TTC19: variants seen among roughly 807,000 people sequenced by gnomAD.
The protein encoded by TTC19 is tetratricopeptide repeat domain 19, also known as tetratricopeptide repeat protein 19, mitochondrial.
A neutral mutation model predicts 49.5 loss-of-function variants in TTC19; 38 were observed. The observed-to-expected ratio is 0.77, with a 90% CI of 0.59 to 1.01. The LOEUF is 1.01. Ranked by LOEUF, TTC19 falls within the 50% of genes least tolerant of loss-of-function variation. TTC19 has a pLI of 0.00. For missense variants in TTC19, 475 were observed against 477.7 expected, an observed-to-expected ratio of 0.99 and a Z score of 0.05; for synonymous variants, 204 against 185.2, an observed-to-expected ratio of 1.10 and a Z score of -0.83.
chr17:16,028,583 G>T lies in TTC19; in HGVS notation c.*1061G>T. ...CAAAGTATGTAAAGATACATAGGTGGATGCTCTTACTGCAGCAGTCATGAA... is the reference window on the plus strand; with the variant it reads ...CAAAGTATGTAAAGATACATAGGTGTATGCTCTTACTGCAGCAGTCATGAA... On this transcript the variant is annotated 3_prime_UTR_variant, in exon 10 of 10. Transcript: ENST00000261647. The T allele has an allele frequency of 2.2e-6, 1 of 453,884 alleles. No individual in the cohort carries two copies. 28.1% of individuals were successfully genotyped at this position (453,884 alleles called of 1,614,324 possible). A position where few individuals can be genotyped will look rare whatever the true frequency, so the allele number is the denominator to read the frequency against.
In TTC19 at chr17:16,003,466, G is replaced by T. The variant is rs533304344; in HGVS notation, c.463-365G>T. The stretch of plus-strand genomic sequence containing the variant: ...ATTTATTTATTTATTGTAGAGACGG[G>T]ATTTCACCATATTTCCCAGGCTAAA... On this transcript the variant is annotated intron_variant, in intron 4 of 9. Coordinates refer to ENST00000261647, the MANE Select transcript of TTC19 (RefSeq NM_017775.4). Among the ~76,000 whole-genome samples the T allele has an allele frequency of 2.2e-4, 33 of 151,114 alleles. No homozygotes were observed. In the South Asian group the frequency reaches 6.9e-3, roughly 32 times the overall value.
chr17:16,017,448 CAAAAAAAAAAA>C (rs372559333), intron 7 of TTC19, among the ~76,000 whole-genome samples: 3 of 53,700 alleles, frequency 5.6e-5, no homozygotes, highest in Non-Finnish European at 9.1e-5. Flanking sequence ...GACTCCGGCT[CAAAAAAAAAAA>C]AAAAAAAAAA....
chr17:16,012,771 C>G (rs562384436), intron 7 of TTC19, among the ~76,000 whole-genome samples: 1 of 152,122 alleles, frequency 6.6e-6, no homozygotes, highest in Admixed American at 6.5e-5. Context: ...CTGCCGACCT[C>G]AGGTGATCTG....
chr17:16,017,615 G>C (rs1001676034), intron 7 of TTC19, among the ~76,000 whole-genome samples: 1 of 151,800 alleles, frequency 6.6e-6, no homozygotes, highest in African/African-American at 2.4e-5. Flanking sequence ...CAAAAAATGA[G>C]CTAGGTGTGG....
chr17:16,041,469 A>G (rs1247952684), intron 2 of TTC19, among the ~76,000 whole-genome samples: 1 of 134,504 alleles, frequency 7.4e-6, no homozygotes, highest in Admixed American at 8.5e-5. Context: ...GCTGGAGTGC[A>G]ATGGCGTGAT....
chr17:16,029,162 C>A lies in TTC19; in HGVS notation c.*1640C>A, dbSNP rs562051647. ...CTGCAGGGGTTACTGAAAGGTTTTTCATTCCAAGTTTTATTTATTTATTAA... is the reference window on the plus strand; with the variant it reads ...CTGCAGGGGTTACTGAAAGGTTTTTAATTCCAAGTTTTATTTATTTATTAA... On this transcript the variant is annotated 3_prime_UTR_variant, in exon 10 of 10. Transcript: ENST00000261647. 1 of 452,658 alleles carries A rather than the reference C, an allele frequency of 2.2e-6. No homozygotes were observed. The highest frequency in any genetic ancestry group is 2.0e-5 in the African/African-American group (1 of 49,854). The allele number at this position is 452,658 out of a possible 1,614,324, so 28.0% of individuals were successfully genotyped here.
chr17:16,032,621 C>A, downstream of TTC19: 1 of 751,178 alleles, frequency 1.3e-6, no homozygotes, highest in Non-Finnish European at 2.0e-6. Context: ...GAATACAACA[C>A]GGAATGGCCA....
chr17:16,012,951 C>T (rs1971117036), intron 7 of TTC19, among the ~76,000 whole-genome samples: 3 of 152,084 alleles, frequency 2.0e-5, no homozygotes, highest in Admixed American at 2.0e-4. Flanking sequence ...GCCTGTAACC[C>T]CAACACTTTG....
chr17:16,000,016 G>C lies in TTC19; in HGVS notation c.168G>C (p.Leu56=). ...CGCCGCACGGCCGGGGCCCAGGCCT[G>C]CTGCCGCTGCTGGCAGGTGAGGGGC... ...RVAPHGRGPG[L]LPLLAALAWF... Residue 56 remains leucine (L), a synonymous_variant, in exon 1 of 10, where the codon CTG becomes CTC. Transcript: ENST00000261647. 1 of 1,242,972 alleles carries C rather than the reference G, an allele frequency of 8.0e-7. No homozygotes were observed. Among genetic ancestry groups the C allele is most frequent in the Non-Finnish European group, 1.0e-6 (1 of 996,300 alleles). 77.0% of individuals were successfully genotyped at this position (1,242,972 alleles called of 1,614,324 possible).
chr17:16,037,314 T>C (rs140768103), intron 2 of TTC19, among the ~76,000 whole-genome samples: 217 of 152,092 alleles, frequency 1.4e-3, no homozygotes, highest in African/African-American at 4.9e-3. Flanking sequence ...ATTGTGAGAA[T>C]TACCAAAATA....
rs905824879 is a variant in TTC19, at chr17:16,028,997, C to G, written c.*1475C>G. 8 of 433,064 alleles carry G rather than the reference C, an allele frequency of 1.8e-5. No homozygotes were observed. The highest frequency in any genetic ancestry group is 1.6e-4 in the African/African-American group (8 of 48,694). 26.8% of individuals were successfully genotyped at this position (433,064 alleles called of 1,614,324 possible). A position where few individuals can be genotyped will look rare whatever the true frequency, so the allele number is the denominator to read the frequency against. On this transcript the variant is annotated 3_prime_UTR_variant, in exon 10 of 10. Coordinates refer to ENST00000261647, the MANE Select transcript of TTC19 (RefSeq NM_017775.4). ...TTACCATGCAGCTAATGCCGTTTAC[C>G]AAGTCTAGCTCAGAGAGATAAGATA...
In TTC19 at chr17:16,027,762, G is replaced by T. The variant is rs1038185377; in HGVS notation, c.*240G>T. ...ATGTCGTCAAGTGATGCTTTCAGTT[G>T]TAACACGTGACTTGGTGCTGTCCCT... On this transcript the variant is annotated 3_prime_UTR_variant, in exon 10 of 10. Coordinates refer to ENST00000261647, the MANE Select transcript of TTC19 (RefSeq NM_017775.4). 5.2e-6 allele frequency: 3 copies of T among 580,522 alleles called. No homozygotes were observed. Among genetic ancestry groups the T allele is most frequent in the South Asian group, 1.5e-5 (1 of 65,624 alleles). The allele number at this position is 580,522 out of a possible 1,614,324, so 36.0% of individuals were successfully genotyped here.
chr17:16,012,222 C>G (rs1409157787), intron 7 of TTC19, among the ~76,000 whole-genome samples: 2 of 152,140 alleles, frequency 1.3e-5, no homozygotes, highest in African/African-American at 4.8e-5. Context: ...GGGACAGTGG[C>G]TCACGCCTGT....
downstream of TTC19, chr17:16,030,751 C>G (rs1971841716): frequency 5.6e-6 from 1 of 179,532 alleles, no homozygotes; most frequent in South Asian, 2.0e-4. Context: ...ACTAATTTAA[C>G]TATATGGGCA....
At chr17:16,012,951 C>A (rs1971117036) in intron 7 of TTC19, among the ~76,000 whole-genome samples, 1 of 152,084 alleles carries the variant, frequency 6.6e-6, no homozygotes, top group African/African-American at 2.4e-5. Flanking sequence ...GCCTGTAACC[C>A]CAACACTTTG....
chr17:16,024,759 C>T, intron 7 of TTC19: 1 of 476,748 alleles, frequency 2.1e-6, no homozygotes, highest in Non-Finnish European at 3.8e-6. Flanking sequence ...GGTTTATTTT[C>T]ATTTGTTTCT....
Position 16,027,394 on chromosome 17 carries a change from G to A in TTC19, c.1015G>A (p.Glu339Lys). ...TTTAGAACGATATACACAAGCAAAA[G>A]AGATCTACCAGGAAGCACTGAAGCA... is the stretch of plus-strand genomic sequence containing the variant. ...MHRERYTQAKEIYQEALKQAK... is the reference protein window; with the variant it reads ...MHRERYTQAKKIYQEALKQAK... The change falls in exon 10 of 10, where the codon GAG becomes AAG. Residue 339 changes from glutamate to lysine, a missense_variant. Glu to Lys is a moderately conservative substitution (Grantham distance 56). Coordinates refer to ENST00000261647, the MANE Select transcript of TTC19 (RefSeq NM_017775.4). 1.2e-6 allele frequency: 2 copies of A among 1,614,046 alleles called. No homozygotes were observed. Among genetic ancestry groups the A allele is most frequent in the Non-Finnish European group, 1.7e-6 (2 of 1,179,942 alleles).
At chr17:16,015,817 T>C (rs1467543026) in intron 7 of TTC19, among the ~76,000 whole-genome samples, 2 of 152,218 alleles carry the variant, frequency 1.3e-5, no homozygotes, top group Admixed American at 1.3e-4. Flanking sequence ...GGCACTATTA[T>C]ATAAGAGTTT....
chr17:16,034,854 C>T (rs775915024), intron 2 of TTC19: 4 of 1,614,034 alleles, frequency 2.5e-6, no homozygotes, highest in South Asian at 2.2e-5. Flanking sequence ...TGAAGAGGGC[C>T]GTTCCGTTCC....
Sources: allele counts gnomAD v4.1 joint callset (sites outside exome capture counted in the v4.1 genomes callset), GRCh38; gene constraint gnomAD v4.1.1; transcripts MANE v1.5; gene names NCBI Gene and HGNC (gene_info 2026-07-23, HGNC 2026-07-21).